Variants in NOSIP observed in about 807,000 individuals in gnomAD.
NOSIP encodes nitric oxide synthase interacting protein.
Under a neutral mutation model 36.4 loss-of-function variants are expected in NOSIP, and 25 were observed. That is an observed-to-expected ratio of 0.69 (90% confidence interval 0.50 to 0.96). The LOEUF (loss-of-function observed/expected upper bound fraction) is 0.96, where lower values mean the gene tolerates loss of function less well. Among genes scored for constraint, NOSIP ranks in the 40% least tolerant of loss-of-function variants. The probability of loss-of-function intolerance (pLI) is 0.00; values close to 1 mark genes in which losing one functional copy is unlikely to be tolerated. For missense variants in NOSIP, 370 were observed against 429.0 expected, an observed-to-expected ratio of 0.86 and a Z score of 1.21; for synonymous variants, 187 against 179.2, an observed-to-expected ratio of 1.04 and a Z score of -0.35.
chr19:49,568,623 A>G (rs538015674), intron 1 of NOSIP, among the ~76,000 whole-genome samples: 3 of 152,144 alleles, frequency 2.0e-5, no homozygotes, highest in South Asian at 4.2e-4. Context: ...CAAATCAAGA[A>G]GAAAATTACA....
chr19:49,556,328 C>T lies in NOSIP; in HGVS notation c.823G>A (p.Val275Met). 1.2e-6 allele frequency: 2 copies of T among 1,612,066 alleles called. No individual in the cohort carries two copies. The highest frequency in any genetic ancestry group is 1.7e-6 in the Non-Finnish European group (2 of 1,179,050). The change falls in exon 8 of 9, where the codon GTG (valine) becomes ATG (methionine). Residue 275 changes from valine to methionine, a missense_variant. Physicochemically the swap from Val to Met is conservative, Grantham distance 21. This residue lies in a region of NOSIP where 315 missense variants were observed against 331.9 expected (regional missense o/e 0.95). Coordinates refer to ENST00000596358, the MANE Select transcript of NOSIP (RefSeq NM_001270960.2). ...GGTGGGACTCTTACCCGCTGCAGCACGATGATGTCGCGGTCTGTGAGTTTG... is the reference window on the plus strand; with the variant it reads ...GGTGGGACTCTTACCCGCTGCAGCATGATGATGTCGCGGTCTGTGAGTTTG... The part of the protein sequence containing the change: ...GDKLTDRDII[V>M]LQRGGTGFAG...
chr19:49,569,664 C>T (rs1378820911), intron 1 of NOSIP, among the ~76,000 whole-genome samples: 3 of 151,346 alleles, frequency 2.0e-5, no homozygotes, highest in African/African-American at 4.9e-5. Context: ...AAAAATTAGC[C>T]GGGCGAGGTG....
At position 49,569,300 on chromosome 19, in the gene NOSIP, T is replaced by G. The variant is rs531488859; in HGVS notation, c.-1-8608A>C. ...GCTCCACCTCCCAGGTTCACACCAT[T>G]CTCCTGCCTCAGCCTCCTGAGTAGC... On this transcript the variant is annotated intron_variant, in intron 1 of 8. Coordinates refer to ENST00000596358, the MANE Select transcript of NOSIP (RefSeq NM_001270960.2). 3.4e-4 allele frequency among the ~76,000 whole-genome samples: 51 copies of G among 149,460 alleles called. 1 individual carries two copies. Among genetic ancestry groups the G allele is most frequent in the African/African-American group, 1.2e-3 (49 of 40,868 alleles).
chr19:49,577,478 AC>A (rs2080568715), intron 1 of NOSIP, among the ~76,000 whole-genome samples: 1 of 151,974 alleles, frequency 6.6e-6, no homozygotes, highest in African/African-American at 2.4e-5. Context: ...AGTCGCTCAA[AC>A]CTGGGAGCCG....
intron 1 of NOSIP, among the ~76,000 whole-genome samples, chr19:49,573,425 G>A (rs1441300177): frequency 2.6e-5 from 4 of 152,106 alleles, no homozygotes; most frequent in African/African-American, 4.8e-5. Flanking sequence ...CCCGTCCCTC[G>A]GTATTTCGGC....
Position 49,556,685 on chromosome 19 carries a change from G to C in NOSIP, c.589C>G (p.Leu197Val). Residue 197 changes from leucine to valine, a missense_variant, in exon 7 of 9, where the codon CTG becomes GTG. By Grantham distance (32) the Leu-to-Val change is conservative (BLOSUM62 1). Transcript: ENST00000596358. Reference sequence around the variant, plus strand: ...AGCGGTGTGAAGTGCACGGGCGTCAGGTCCGACATGCGCAGGGGCTTCCCT... The same window carrying C: ...AGCGGTGTGAAGTGCACGGGCGTCACGTCCGACATGCGCAGGGGCTTCCCT... Reference protein sequence around the residue: ...MSGKPLRMSDLTPVHFTPLDS... With the variant: ...MSGKPLRMSDVTPVHFTPLDS... The C allele has an allele frequency of 1.9e-6, 3 of 1,611,554 alleles. No individual in the cohort carries two copies. The highest frequency in any genetic ancestry group is 1.7e-6 in the Non-Finnish European group (2 of 1,178,948).
At chr19:49,573,778 ATTTAT>A (rs201096061) in intron 1 of NOSIP, among the ~76,000 whole-genome samples, 6 of 150,736 alleles carry the variant, frequency 4.0e-5, no homozygotes, top group East Asian at 1.9e-4. Flanking sequence ...CGTTCTGCCC[ATTTAT>A]TTTATTTTAT....
intron 6 of NOSIP, 45 bp downstream of exon 6, chr19:49,556,830 C>T (rs750587774): frequency 5.6e-6 from 9 of 1,598,106 alleles, no homozygotes; most frequent in Non-Finnish European, 8.6e-7. Context: ...GTGGGGAACC[C>T]TGGCGCCCTG....
At chr19:49,556,135 GGA>G (rs200554064) in intron 8 of NOSIP, among the ~76,000 whole-genome samples, 180 bp downstream of exon 8, 57 of 64,922 alleles carry the variant, frequency 8.8e-4, no homozygotes, top group African/African-American at 7.7e-3. Flanking sequence ...CTAGGAGAGC[GGA>G]GGGGGGGAAG....
At position 49,557,000 on chromosome 19, in the gene NOSIP, GGGAA is replaced by G. The variant is rs770607837; in HGVS notation, c.419-11_419-8del. 9.4e-6 allele frequency: 15 copies of G among 1,602,278 alleles called. No homozygotes were observed. Among genetic ancestry groups the G allele is most frequent in the Non-Finnish European group, 1.3e-5 (15 of 1,173,990 alleles). ...GGCCCAGGTTGGACATCATCTGTGG[GGGAA>G]GGAAGGGACTCAGATGCCGCCCCCT... On this transcript the variant is annotated splice_region_variant and splice_polypyrimidine_tract_variant and intron_variant, in intron 5 of 8. Transcript: ENST00000596358.
chr19:49,573,128 G>A (rs1229236152), intron 1 of NOSIP, among the ~76,000 whole-genome samples: 2 of 152,160 alleles, frequency 1.3e-5, no homozygotes, highest in Non-Finnish European at 2.9e-5. Context: ...GAGGCACAGA[G>A]GCGGTGCCCT....
intron 1 of NOSIP, among the ~76,000 whole-genome samples, chr19:49,575,049 G>C (rs1321879410): frequency 6.6e-6 from 1 of 152,044 alleles, no homozygotes; most frequent in Non-Finnish European, 1.5e-5. Flanking sequence ...ATTTTTAGTA[G>C]AGAGGGGGTT....
chr19:49,578,913 GTGTC>G (rs1013089305), intron 1 of NOSIP, among the ~76,000 whole-genome samples: 52 of 151,748 alleles, frequency 3.4e-4, no homozygotes, highest in Admixed American at 9.2e-4. Flanking sequence ...ATGAGCCACT[GTGTC>G]TGGCCTATTT....
Position 49,578,621 on chromosome 19 carries a change from C to T in NOSIP, c.-2+1894G>A, listed in dbSNP as rs151037512. On this transcript the variant is annotated intron_variant, in intron 1 of 8. Coordinates refer to ENST00000596358, the MANE Select transcript of NOSIP (RefSeq NM_001270960.2). Reference sequence around the variant, plus strand: ...AGGAGTTTGAGACCAGCCTGGGCAACATAGTGACACCTTGTCTCTATCTAT... The same window carrying T: ...AGGAGTTTGAGACCAGCCTGGGCAATATAGTGACACCTTGTCTCTATCTAT... Among the ~76,000 whole-genome samples the T allele has an allele frequency of 1.4e-4, 22 of 151,790 alleles. No individual in the cohort carries two copies. The East Asian group carries it at 4.1e-3, about 28-fold the overall frequency.
At chr19:49,557,942 C>G (rs1843298825) in intron 4 of NOSIP, 2 of 987,004 alleles carry the variant, frequency 2.0e-6, no homozygotes, top group Middle Eastern at 6.5e-4. Flanking sequence ...ACAGGGGGAG[C>G]CACCTGCTTG....
chr19:49,571,426 T>G (rs1388394757), intron 1 of NOSIP, among the ~76,000 whole-genome samples: 1 of 152,176 alleles, frequency 6.6e-6, no homozygotes, highest in Admixed American at 6.6e-5. Flanking sequence ...CACACTATAT[T>G]GTCTCTTTGG....
intron 1 of NOSIP, among the ~76,000 whole-genome samples, chr19:49,568,795 ATAG>A (rs1463413036): frequency 8.1e-6 from 1 of 123,306 alleles, no homozygotes; most frequent in African/African-American, 3.7e-5. Flanking sequence ...AAAAAAAAAA[ATAG>A]TTTGTTTGTT....
At position 49,557,125 on chromosome 19, in the gene NOSIP, G is replaced by T. The variant is rs944633904; in HGVS notation, c.383C>A (p.Pro128His). The change falls in exon 5 of 9, where the codon CCT (proline) becomes CAT (histidine). Residue 128 changes from proline to histidine, a missense_variant. Physicochemically the swap from Pro to His is moderately conservative, Grantham distance 77. Around this residue, in one of 3 missense-constraint regions of NOSIP, gnomAD observed 315 missense variants for 331.9 expected, o/e 0.95. Coordinates refer to ENST00000596358, the MANE Select transcript of NOSIP (RefSeq NM_001270960.2). ...GCCCGAGAGGGCCTTGGCTGTGAAA[G>T]GGTTGAGGGGCCGGCTCACGATAGC... ...ESAIVSRPLN[P>H]FTAKALSGTS... The T allele has an allele frequency of 3.7e-6, 6 of 1,612,916 alleles. No homozygotes were observed. In the African/African-American group the frequency reaches 8.0e-5, roughly 22 times the overall value.
rs941614946 is a variant in NOSIP at position 49,560,877 on chromosome 19, G to A, written c.-1-185C>T. 5.9e-5 allele frequency among the ~76,000 whole-genome samples: 9 copies of A among 152,156 alleles called. No individual in the cohort carries two copies. Among genetic ancestry groups the A allele is most frequent in the African/African-American group, 2.2e-4 (9 of 41,418 alleles). On this transcript the variant is annotated intron_variant, in intron 1 of 8. Coordinates refer to ENST00000596358, the MANE Select transcript of NOSIP (RefSeq NM_001270960.2). This position sits in a 1 kb window ranked among gnomAD's most constrained non-coding sequence, Gnocchi z 4.6. ...CCTCCTCCAGGAAGTCCTCCTTCCA[G>A]ACTCACCTAGACTCATTTATATGTG... is the stretch of plus-strand genomic sequence containing the variant.
Sources: allele counts gnomAD v4.1 joint callset (sites outside exome capture counted in the v4.1 genomes callset), GRCh38; gene constraint gnomAD v4.1.1; regional missense constraint gnomAD v4.1.1; non-coding constraint Gnocchi (gnomAD v3.1); transcripts MANE v1.5; gene names NCBI Gene and HGNC (gene_info 2026-07-23, HGNC 2026-07-21).